Variants in NEIL2 observed in about 807,000 individuals in gnomAD.
NEIL2 encodes the protein nei like DNA glycosylase 2.
NEIL2 carries 23 observed loss-of-function variants against 22.2 expected under a neutral mutation model. The observed-to-expected ratio is 1.04, with a 90% CI of 0.75 to 1.47. The LOEUF (loss-of-function observed/expected upper bound fraction) is 1.47, where lower values mean the gene tolerates loss of function less well. NEIL2 is among the 40% of genes most tolerant of loss of function. NEIL2 has a pLI of 0.00. For synonymous variants in NEIL2, 229 were observed against 164.8 expected (o/e 1.39, Z -2.99); for missense variants, 583 against 404.7 (o/e 1.44, Z -3.78).
chr8:11,785,702 CAGTCAGA>C, intron 4 of NEIL2, among the ~76,000 whole-genome samples: 1 of 152,254 alleles, frequency 6.6e-6, no homozygotes, highest in Middle Eastern at 3.4e-3. Flanking sequence ...CAAGTGCAGG[CAGTCAGA>C]TGCCCGATCC....
chr8:11,771,204 G>A (rs1381707603), intron 1 of NEIL2, among the ~76,000 whole-genome samples: 1 of 152,170 alleles, frequency 6.6e-6, no homozygotes, highest in African/African-American at 2.4e-5. Flanking sequence ...TGCTTAATAA[G>A]TGTTTGCTGC....
At position 11,770,247 on chromosome 8, in the gene NEIL2, C is replaced by G. The variant is rs1179422281; in HGVS notation, c.-91C>G. 1 of 152,228 alleles carries G rather than the reference C, an allele frequency of 6.6e-6. No homozygotes were observed. The allele number at this position is 152,228 out of a possible 1,614,324, so 9.4% of individuals were successfully genotyped here. A position where few individuals can be genotyped will look rare whatever the true frequency, so the allele number is the denominator to read the frequency against. ...CCCTAAACGAAACATGCCCACGTGT[C>G]CGGAGATTTTCAGGACTTGGTGCAT... On this transcript the variant is annotated 5_prime_UTR_variant, in exon 1 of 5. Transcript: ENST00000284503.
At chr8:11,782,704 A>G (rs1335340640) in intron 3 of NEIL2, 1 of 197,752 alleles carries the variant, frequency 5.1e-6, no homozygotes, top group Non-Finnish European at 1.1e-5. Flanking sequence ...TTAAAAGTGA[A>G]CCATTGTAAG....
rs370378390 is a variant in NEIL2 at position 11,785,949 on chromosome 8, C to T, written c.689-14C>T. On this transcript the variant is annotated splice_polypyrimidine_tract_variant and intron_variant, in intron 4 of 4. Transcript: ENST00000284503. Reference sequence around the variant, plus strand: ...TCCTTTGTCCTTCCCTTACCTTCCCCCGCTTTATTTCAGGGAACATCATTA... The same window carrying T: ...TCCTTTGTCCTTCCCTTACCTTCCCTCGCTTTATTTCAGGGAACATCATTA... 7.9e-5 allele frequency: 127 copies of T among 1,613,326 alleles called. No homozygotes were observed. In the African/African-American group the frequency reaches 1.6e-3, roughly 20 times the overall value.
At chr8:11,775,822 C>G (rs1485052660) in intron 2 of NEIL2, among the ~76,000 whole-genome samples, 2 of 152,238 alleles carry the variant, frequency 1.3e-5, no homozygotes, top group African/African-American at 4.8e-5. Context: ...AGTTCCTCAT[C>G]TCCATCTGAG....
chr8:11,784,107 G>C (rs1478242893), intron 4 of NEIL2, among the ~76,000 whole-genome samples: 1 of 152,206 alleles, frequency 6.6e-6, no homozygotes, highest in African/African-American at 2.4e-5. Flanking sequence ...CAGGTTGGTG[G>C]TGACAGAGTC....
At chr8:11,783,848 C>G (rs1287437971) in intron 4 of NEIL2, among the ~76,000 whole-genome samples, 1 of 152,194 alleles carries the variant, frequency 6.6e-6, no homozygotes, top group African/African-American at 2.4e-5. Context: ...GCTTCCTGCC[C>G]TGGCCAGGGC....
intron 4 of NEIL2, among the ~76,000 whole-genome samples, chr8:11,785,594 G>A (rs1304840193): frequency 6.6e-6 from 1 of 152,192 alleles, no homozygotes; most frequent in Non-Finnish European, 1.5e-5. Flanking sequence ...ACAAAAACCA[G>A]GTAAGCCATC....
chr8:11,782,112 A>G (rs1480015569), intron 3 of NEIL2, among the ~76,000 whole-genome samples: 2 of 151,978 alleles, frequency 1.3e-5, no homozygotes, highest in Non-Finnish European at 2.9e-5. Context: ...TTCTATATGG[A>G]AAGGGTATAT....
chr8:11,780,534 C>T (rs763085025), intron 3 of NEIL2, among the ~76,000 whole-genome samples: 3 of 152,122 alleles, frequency 2.0e-5, no homozygotes, highest in Admixed American at 6.5e-5. Context: ...TGCGTGCCAC[C>T]ACACCGGCTA....
At chr8:11,771,405 G>A (rs1393401409) in intron 1 of NEIL2, 41 bp from the exon 2 acceptor site, 6 of 1,611,922 alleles carry the variant, frequency 3.7e-6, no homozygotes, top group Non-Finnish European at 5.1e-6. Flanking sequence ...AGAGATAAAT[G>A]AGCTAAGTCG....
intron 3 of NEIL2, chr8:11,782,705 C>G (rs1314744433): frequency 5.1e-6 from 1 of 196,082 alleles, no homozygotes; most frequent in Non-Finnish European, 1.1e-5. Context: ...TAAAAGTGAA[C>G]CATTGTAAGT....
chr8:11,779,480 T>G, intron 2 of NEIL2, 118 bp from the exon 3 acceptor site: 3 of 863,002 alleles, frequency 3.5e-6, no homozygotes, highest in Non-Finnish European at 5.8e-6. Context: ...AAGACTTCAT[T>G]TGGGAAGGCC....
chr8:11,778,577 A>G (rs973800650), intron 2 of NEIL2, among the ~76,000 whole-genome samples: 2 of 152,106 alleles, frequency 1.3e-5, no homozygotes, highest in African/African-American at 4.8e-5. Context: ...AGACTGCCTG[A>G]ATTTCAGGCT....
At position 11,779,955 on chromosome 8, in the gene NEIL2, T is replaced by G. The variant is rs377351739; in HGVS notation, c.491+5T>G. Reference sequence around the variant, plus strand: ...CTGGAGGGACCCTTCCCCGAGGTAATGGTGTGGCCATCTGATTTTCGTGGG... The same window carrying G: ...CTGGAGGGACCCTTCCCCGAGGTAAGGGTGTGGCCATCTGATTTTCGTGGG... On this transcript the variant is annotated splice_donor_5th_base_variant and intron_variant, in intron 3 of 4. Coordinates refer to ENST00000284503, the MANE Select transcript of NEIL2 (RefSeq NM_145043.4). The G allele has an allele frequency of 3.7e-6, 6 of 1,611,576 alleles. No homozygotes were observed. The highest frequency in any genetic ancestry group is 2.7e-5 in the African/African-American group (2 of 74,752).
intron 2 of NEIL2, among the ~76,000 whole-genome samples, chr8:11,772,787 T>C (rs1803582820): frequency 6.6e-6 from 1 of 152,180 alleles, no homozygotes. Flanking sequence ...ATCTCATAGC[T>C]CTTTCTTCTA....
chr8:11,771,505 C>G lies in NEIL2; in HGVS notation c.58C>G (p.Gln20Glu), dbSNP rs1248892717. ...FHHLVSPFVGQQVVKTGGSSK... is the reference protein window; with the variant it reads ...FHHLVSPFVGEQVVKTGGSSK... The stretch of plus-strand genomic sequence containing the variant: ...CCATTTGGTCTCCCCCTTTGTGGGT[C>G]AGCAGGTGGTCAAGACAGGGGGCAG... The change falls in exon 2 of 5, where the codon CAG (glutamine) becomes GAG (glutamate). Residue 20 changes from glutamine to glutamate, a missense_variant. Gln to Glu is a conservative substitution (Grantham distance 29, BLOSUM62 2). Coordinates refer to ENST00000284503, the MANE Select transcript of NEIL2 (RefSeq NM_145043.4). 11 of 1,614,004 alleles carry G rather than the reference C, an allele frequency of 6.8e-6. No homozygotes were observed. The highest frequency in any genetic ancestry group is 9.3e-6 in the Non-Finnish European group (11 of 1,180,024).
intron 2 of NEIL2, among the ~76,000 whole-genome samples, chr8:11,776,555 A>G (rs8191588): frequency 0.026 from 3,937 of 152,296 alleles, 154 homozygotes; most frequent in African/African-American, 0.09. Context: ...TCTTGAGAGT[A>G]TTCCTAGGAG....
At chr8:11,782,526 A>G (rs1353086591) in intron 3 of NEIL2, 2 of 162,884 alleles carry the variant, frequency 1.2e-5, no homozygotes, top group East Asian at 3.1e-4. Context: ...GAACAATTAC[A>G]TTAGCCTACA....
Sources: allele counts gnomAD v4.1 joint callset (sites outside exome capture counted in the v4.1 genomes callset), GRCh38; gene constraint gnomAD v4.1.1; transcripts MANE v1.5; gene names NCBI Gene and HGNC (gene_info 2026-07-23, HGNC 2026-07-21).